DARS1: variants seen among roughly 807,000 people sequenced by gnomAD.
DARS1 encodes aspartate--tRNA ligase, cytoplasmic.
DARS1 carries 51 observed loss-of-function variants against 68.8 expected under a neutral mutation model. That is an observed-to-expected ratio of 0.74 (90% CI 0.59 to 0.94). DARS1 has a LOEUF of 0.94. DARS1 is among the 40% of genes least tolerant of loss of function. The pLI, the probability that DARS1 is intolerant of heterozygous loss-of-function variation, is 0.00. For synonymous variants in DARS1, 203 were observed against 190.4 expected (o/e 1.07, Z -0.55); for missense variants, 607 against 597.3 (o/e 1.02, Z -0.17).
intron 3 of DARS1, among the ~76,000 whole-genome samples, chr2:135,970,252 CAA>C (rs1217937806): frequency 1.9e-3 from 92 of 49,230 alleles, no homozygotes; most frequent in African/African-American, 3.0e-3. Flanking sequence ...GACCCTGTCT[CAA>C]AAAAAAAAAA....
intron 2 of DARS1, among the ~76,000 whole-genome samples, chr2:135,982,597 C>CA (rs548129919): frequency 0.019 from 1,836 of 95,036 alleles, 19 homozygotes; most frequent in African/African-American, 0.047. Context: ...CTCTGTCTCC[C>CA]AAAAAAAAAA....
At chr2:135,939,956 AG>A (rs1198170768) in intron 5 of DARS1, among the ~76,000 whole-genome samples, 1 of 152,238 alleles carries the variant, frequency 6.6e-6, no homozygotes, top group Non-Finnish European at 1.5e-5. Context: ...AGACTAAACC[AG>A]GAAGAAGCTG....
intron 4 of DARS1, among the ~76,000 whole-genome samples, chr2:135,955,958 C>A (rs1681964848): frequency 6.6e-6 from 1 of 152,056 alleles, no homozygotes; most frequent in African/African-American, 2.4e-5. Context: ...CACGCCCAGC[C>A]ATATGTTTCA....
intron 5 of DARS1, among the ~76,000 whole-genome samples, chr2:135,935,607 T>A (rs896959748): frequency 2.0e-4 from 31 of 151,852 alleles, no homozygotes; most frequent in East Asian, 7.7e-4. Flanking sequence ...CTCGAAAAAA[T>A]AAATAAATAA....
At chr2:135,985,067 G>C (rs1210491680) in intron 1 of DARS1, 1 of 362,706 alleles carries the variant, frequency 2.8e-6, no homozygotes, top group African/African-American at 2.0e-5. Flanking sequence ...TTTTCCCAGG[G>C]ATTGTGCATT....
intron 3 of DARS1, among the ~76,000 whole-genome samples, chr2:135,975,524 T>C (rs1386945062): frequency 6.6e-6 from 1 of 152,056 alleles, no homozygotes; most frequent in Non-Finnish European, 1.5e-5. Context: ...CTGGGTACAG[T>C]GGCTGAAGCC....
At chr2:135,937,754 T>C (rs928208839) in intron 5 of DARS1, among the ~76,000 whole-genome samples, 1 of 152,204 alleles carries the variant, frequency 6.6e-6, no homozygotes, top group Non-Finnish European at 1.5e-5. Context: ...TTATGAAGCT[T>C]AGTTTGGCTG....
At chr2:135,910,656 C>T (rs1489712340) in intron 15 of DARS1, among the ~76,000 whole-genome samples, 1 of 152,046 alleles carries the variant, frequency 6.6e-6, no homozygotes, top group African/African-American at 2.4e-5. Context: ...CCAAAACAAA[C>T]AACAAATAAA....
intron 11 of DARS1, chr2:135,914,876 A>G (rs910123344): frequency 6.0e-6 from 1 of 165,412 alleles, no homozygotes; most frequent in African/African-American, 2.4e-5. Context: ...CCTTTTTGGT[A>G]CTCTTTATCA....
chr2:135,912,728 C>T (rs309168), intron 12 of DARS1, among the ~76,000 whole-genome samples, 162 bp from the exon 13 acceptor site: 77,714 of 151,978 alleles, frequency 0.51, 24,459 homozygotes, highest in African/African-American at 0.82. Context: ...TTTTATCCTA[C>T]AGCATTTTGC....
intron 3 of DARS1, among the ~76,000 whole-genome samples, chr2:135,961,708 G>A (rs988151622): frequency 2.6e-5 from 4 of 152,154 alleles, no homozygotes; most frequent in African/African-American, 7.2e-5. Flanking sequence ...CCTATGATGA[G>A]TAACAAGAAA....
chr2:135,981,674 C>CTTTTTTTT (rs1312008531), intron 2 of DARS1, among the ~76,000 whole-genome samples: 90 of 140,552 alleles, frequency 6.4e-4, no homozygotes, highest in African/African-American at 7.9e-4. Context: ...GAAATTTTGG[C>CTTTTTTTT]TTTTTTTTTT....
rs1558775656 is a variant in DARS1, at chr2:135,911,476, G to GT, written c.1247dup (p.Tyr416Ter). 1 of 989,434 alleles carries GT rather than the reference G, an allele frequency of 1.0e-6. No homozygotes were observed. Among genetic ancestry groups the GT allele is most frequent in the Non-Finnish European group, 1.6e-6 (1 of 609,064 alleles). 61.3% of individuals were successfully genotyped at this position (989,434 alleles called of 1,614,324 possible). Residue 416 changes from tyrosine (Y) to a stop codon, truncating the protein, a stop_gained and frameshift_variant, in exon 14 of 16, where the codon TAC becomes TAAC. Transcript: ENST00000264161. LOFTEE classifies it high-confidence loss of function. The stretch of plus-strand genomic sequence containing the variant: ...TTTCTTCTCCTCTCATGAACATATC[G>GT]TAAGAGTTGGACTGTTTCTGCAAGA... ...DPRNPKQSNS[Y>*]DMFMRGEEIL...
At chr2:135,961,221 A>T (rs556394594) in intron 4 of DARS1, among the ~76,000 whole-genome samples, 175 bp downstream of exon 4, 1 of 152,332 alleles carries the variant, frequency 6.6e-6, no homozygotes, top group Non-Finnish European at 1.5e-5. Flanking sequence ...CCTGTGCTCC[A>T]TATTTTCTCT....
chr2:135,983,265 G>C (rs1575411134), intron 2 of DARS1, 132 bp downstream of exon 2: 2 of 632,578 alleles, frequency 3.2e-6, no homozygotes, highest in South Asian at 3.8e-5. Flanking sequence ...CATCTACTTG[G>C]ATTATTAATG....
chr2:135,932,834 T>C lies in DARS1; in HGVS notation c.513A>G (p.Arg171=), dbSNP rs1244434096. The change falls in exon 7 of 16, where the codon AGA becomes AGG. Residue 171 remains arginine (R), a synonymous_variant. Coordinates refer to ENST00000264161, the MANE Select transcript of DARS1 (RefSeq NM_001349.4). ...ATCTTGTATCCTGGTTAACAGTAGCTCTTCCTTCCTAAAAAAAAAAAAAAA... is the reference window on the plus strand; with the variant it reads ...ATCTTGTATCCTGGTTAACAGTAGCCCTTCCTTCCTAAAAAAAAAAAAAAA... ...RPEAEGEEEG[R]ATVNQDTRLD... is the part of the protein sequence containing the mutation. 3.2e-6 allele frequency: 4 copies of C among 1,238,752 alleles called. No homozygotes were observed. Among genetic ancestry groups the C allele is most frequent in the African/African-American group, 1.7e-5 (1 of 57,576 alleles). The allele number at this position is 1,238,752 out of a possible 1,614,324, so 76.7% of individuals were successfully genotyped here. A position where few individuals can be genotyped will look rare whatever the true frequency, so the allele number is the denominator to read the frequency against.
intron 13 of DARS1, among the ~76,000 whole-genome samples, chr2:135,911,870 A>T (rs1680903387): frequency 6.6e-6 from 1 of 152,106 alleles, no homozygotes; most frequent in Admixed American, 6.5e-5. Flanking sequence ...TTTTTACTTT[A>T]ATCCCCTGTC....
intron 5 of DARS1, among the ~76,000 whole-genome samples, chr2:135,935,022 C>T (rs1681436968): frequency 6.6e-6 from 1 of 151,822 alleles, no homozygotes; most frequent in African/African-American, 2.4e-5. Context: ...AACTCGTGAC[C>T]TCGTGATCTG....
At chr2:135,961,281 TA>T in intron 4 of DARS1, 114 bp downstream of exon 4, 1 of 659,188 alleles carries the variant, frequency 1.5e-6, no homozygotes, top group Non-Finnish European at 2.7e-6. Flanking sequence ...TTTAAATAAC[TA>T]CATTTTTAAA....
Sources: gnomAD v4.1 joint callset for allele counts (sites outside exome capture counted in the v4.1 genomes callset) on GRCh38, gnomAD v4.1.1 for gene constraint, MANE v1.5 for transcripts, NCBI Gene and HGNC (gene_info 2026-07-23, HGNC 2026-07-21) for gene names.